Variants in OLA1 observed in about 807,000 individuals in gnomAD.
OLA1 encodes obg-like ATPase 1.
In OLA1, 14 loss-of-function variants were observed where a neutral mutation model predicts 48.4. The observed-to-expected ratio is 0.29, with a 90% CI of 0.19 to 0.45. The LOEUF (loss-of-function observed/expected upper bound fraction) is 0.45. Ranked by LOEUF, OLA1 falls within the 20% of genes least tolerant of loss-of-function variation. OLA1 has a pLI of 1.00. For synonymous variants in OLA1, 127 were observed against 150.4 expected (o/e 0.84, Z 1.14); for missense variants, 325 against 467.1 (o/e 0.70, Z 2.80).
chr2:174,185,461 T>C (rs1687637526), intron 4 of OLA1, among the ~76,000 whole-genome samples: 1 of 152,170 alleles, frequency 6.6e-6, no homozygotes, highest in Admixed American at 6.5e-5. Flanking sequence ...AATCTATAAA[T>C]AACCACTGTC....
chr2:174,236,439 C>G (rs1202815449), intron 2 of OLA1, among the ~76,000 whole-genome samples: 1 of 152,048 alleles, frequency 6.6e-6, no homozygotes, highest in Admixed American at 6.6e-5. Context: ...AGATTGGACA[C>G]TGCAAGCAAA....
intron 4 of OLA1, among the ~76,000 whole-genome samples, chr2:174,181,938 G>A (rs1687552830): frequency 6.6e-6 from 1 of 152,102 alleles, no homozygotes; most frequent in Non-Finnish European, 1.5e-5. Context: ...TAGTATATAA[G>A]CACTTTGAGG....
At chr2:174,099,802 G>A (rs544410968) in intron 7 of OLA1, among the ~76,000 whole-genome samples, 72 of 152,226 alleles carry the variant, frequency 4.7e-4, no homozygotes, top group African/African-American at 1.7e-3. Context: ...AATCATAAAT[G>A]AGAAATCAAA....
At chr2:174,242,776 C>T (rs776523641) in intron 2 of OLA1, among the ~76,000 whole-genome samples, 129 of 152,278 alleles carry the variant, frequency 8.5e-4, no homozygotes, top group Admixed American at 6.4e-3. Flanking sequence ...AACGTACTTT[C>T]GCCCCCAATA....
intron 4 of OLA1, among the ~76,000 whole-genome samples, chr2:174,178,042 A>T (rs1468151959): frequency 6.6e-6 from 1 of 152,046 alleles, no homozygotes; most frequent in East Asian, 1.9e-4. Context: ...CCCTATTTTT[A>T]AAACACTGAA....
At chr2:174,100,222 A>G (rs1685359901) in intron 7 of OLA1, among the ~76,000 whole-genome samples, 1 of 152,224 alleles carries the variant, frequency 6.6e-6, no homozygotes, top group Non-Finnish European at 1.5e-5. Flanking sequence ...TATTCACACA[A>G]GAAGTATTTA....
intron 4 of OLA1, among the ~76,000 whole-genome samples, chr2:174,205,090 T>C (rs964298706): frequency 5.3e-5 from 8 of 152,242 alleles, no homozygotes; most frequent in African/African-American, 1.9e-4. Flanking sequence ...AATTATCGCA[T>C]ATAGTAAACT....
intron 4 of OLA1, among the ~76,000 whole-genome samples, chr2:174,191,806 T>A (rs2105423804): frequency 6.6e-6 from 1 of 152,246 alleles, no homozygotes; most frequent in East Asian, 1.9e-4. Context: ...AACTGGTGGA[T>A]CACACCGTGC....
At chr2:174,198,743 TACA>T (rs1687930465) in intron 4 of OLA1, among the ~76,000 whole-genome samples, 1 of 152,326 alleles carries the variant, frequency 6.6e-6, no homozygotes, top group East Asian at 1.9e-4. Context: ...ATCACACCAC[TACA>T]CTCCAGCCTG....
chr2:174,129,720 T>TAGGTTATAG (rs1686133469), intron 5 of OLA1, among the ~76,000 whole-genome samples: 1 of 152,050 alleles, frequency 6.6e-6, no homozygotes, highest in Non-Finnish European at 1.5e-5. Flanking sequence ...CAAATATCAC[T>TAGGTTATAG]GTTATAATAG....
At chr2:174,191,773 T>G (rs1558997634) in intron 4 of OLA1, among the ~76,000 whole-genome samples, 1 of 152,040 alleles carries the variant, frequency 6.6e-6, no homozygotes, top group Non-Finnish European at 1.5e-5. Flanking sequence ...AAAAATTGTT[T>G]CTTGAAAAAA....
chr2:174,225,135 G>A lies in OLA1; in HGVS notation c.246-1975C>T, dbSNP rs146665233. ...TCTCCATAGTAATGAGTGAGTTCTC[G>A]CTCTGTTAGTTCACTGGAGAGCAGG... On this transcript the variant is annotated intron_variant, in intron 3 of 10. Transcript: ENST00000284719. 2.0e-3 allele frequency among the ~76,000 whole-genome samples: 308 copies of A among 152,220 alleles called. 2 individuals are homozygous for A. The highest frequency in any genetic ancestry group is 7.0e-3 in the African/African-American group (292 of 41,538).
chr2:174,105,107 C>T (rs1213472830), intron 7 of OLA1, among the ~76,000 whole-genome samples: 1 of 151,696 alleles, frequency 6.6e-6, no homozygotes, highest in Admixed American at 6.6e-5. Flanking sequence ...ATTATTTCTG[C>T]TAATCACTCA....
intron 4 of OLA1, among the ~76,000 whole-genome samples, chr2:174,150,123 AG>A (rs1301361817): frequency 3.9e-5 from 6 of 152,238 alleles, no homozygotes; most frequent in Non-Finnish European, 8.8e-5. Context: ...TCTCCAATGC[AG>A]CAGTGTTGAG....
chr2:174,092,866 A>G (rs1173043329), intron 7 of OLA1, among the ~76,000 whole-genome samples: 1 of 152,186 alleles, frequency 6.6e-6, no homozygotes, highest in Non-Finnish European at 1.5e-5. Flanking sequence ...AAAAAATCAT[A>G]GTACAGTGGG....
intron 7 of OLA1, among the ~76,000 whole-genome samples, chr2:174,105,241 A>G (rs1324195696): frequency 2.6e-5 from 4 of 151,992 alleles, no homozygotes; most frequent in Non-Finnish European, 5.9e-5. Flanking sequence ...GTCCTTGAGA[A>G]AAATCAATGA....
intron 10 of OLA1, among the ~76,000 whole-genome samples, chr2:174,075,792 A>T (rs1228251815): frequency 6.6e-6 from 1 of 152,214 alleles, no homozygotes; most frequent in Non-Finnish European, 1.5e-5. Flanking sequence ...AATTATACCA[A>T]TATCATTAAG....
chr2:174,146,872 A>T (rs1239351322), intron 4 of OLA1, among the ~76,000 whole-genome samples: 2 of 152,230 alleles, frequency 1.3e-5, no homozygotes, highest in Non-Finnish European at 1.5e-5. Context: ...TAAAGTAAGA[A>T]ACCCTAAGAT....
chr2:174,188,335 G>A (rs1165915180), intron 4 of OLA1, among the ~76,000 whole-genome samples: 2 of 151,592 alleles, frequency 1.3e-5, no homozygotes, highest in Non-Finnish European at 2.9e-5. Flanking sequence ...CCACTTTCTG[G>A]TCCTTCAATT....
Sources: gnomAD v4.1 joint callset for allele counts (sites outside exome capture counted in the v4.1 genomes callset) on GRCh38, gnomAD v4.1.1 for gene constraint, MANE v1.5 for transcripts, NCBI Gene and HGNC (gene_info 2026-07-23, HGNC 2026-07-21) for gene names.